Variants in EPHA6 observed in about 807,000 individuals in gnomAD.
The protein encoded by EPHA6 is EPH receptor A6, also known as ephrin type-A receptor 6.
In EPHA6, 50 loss-of-function variants were observed where a neutral mutation model predicts 112.0. That is an observed-to-expected ratio of 0.45 (90% confidence interval 0.36 to 0.56). The LOEUF (loss-of-function observed/expected upper bound fraction) is 0.56, where lower values mean the gene tolerates loss of function less well. Ranked by LOEUF, EPHA6 falls within the 20% of genes least tolerant of loss-of-function variation. EPHA6 has a pLI of 0.00. For missense variants in EPHA6, 1,280 were observed against 1,417.4 expected (o/e 0.90, Z 1.56); for synonymous variants, 529 against 490.7 (o/e 1.08, Z -1.03).
chr3:96,814,714 C>T lies in EPHA6; in HGVS notation c.91C>T (p.Pro31Ser), dbSNP rs779122297. The stretch of plus-strand genomic sequence containing the variant: ...AGCAGCTGCACCTGCAACTGGGCAG[C>T]CTGGACCCTCGTGCCCTGTTCCCGG... ...SEAAAPATGQPGPSCPVPGTS... is the reference protein window; with the variant it reads ...SEAAAPATGQSGPSCPVPGTS... Residue 31 changes from proline (P) to serine (S), a missense_variant, in exon 1 of 18, where the codon CCT (proline) becomes TCT (serine). This residue lies in a region of EPHA6 where 220 missense variants were observed against 171.5 expected (regional missense o/e 1.28). Transcript: ENST00000389672. 6.5e-7 allele frequency: 1 copy of T among 1,541,200 alleles called. No individual in the cohort carries two copies. The highest frequency in any genetic ancestry group is 2.3e-5 in the East Asian group (1 of 43,956).
At chr3:97,634,378 TC>T (rs376572047) in intron 13 of EPHA6, among the ~76,000 whole-genome samples, 385 of 150,850 alleles carry the variant, frequency 2.6e-3, no homozygotes, top group African/African-American at 7.5e-3. Flanking sequence ...AGAGCTTTTT[TC>T]TTTTCGTCAA....
chr3:97,615,136 C>G (rs181756591), intron 13 of EPHA6, among the ~76,000 whole-genome samples: 17 of 152,218 alleles, frequency 1.1e-4, no homozygotes, highest in African/African-American at 4.1e-4. Context: ...AATGACCCAC[C>G]CAGGAGCAAC....
At chr3:97,426,419 C>T (rs779072744) in intron 6 of EPHA6, among the ~76,000 whole-genome samples, 1 of 152,146 alleles carries the variant, frequency 6.6e-6, no homozygotes, top group Non-Finnish European at 1.5e-5. Flanking sequence ...GGGGAACCAC[C>T]CCCATAATTC....
At chr3:97,481,695 G>T (rs1192569679) in intron 9 of EPHA6, among the ~76,000 whole-genome samples, 2 of 49,736 alleles carry the variant, frequency 4.0e-5, no homozygotes, top group Admixed American at 2.6e-4. Context: ...GCACCGCCCC[G>T]GCCCCGCCCC....
chr3:97,614,591 A>G (rs1475966374), intron 13 of EPHA6, among the ~76,000 whole-genome samples: 4 of 147,152 alleles, frequency 2.7e-5, no homozygotes, highest in African/African-American at 1.0e-4. Flanking sequence ...TTATCTCATG[A>G]TCCGCCTGCC....
rs74534715 is a variant in EPHA6 at position 97,646,914 on chromosome 3, G to C, written c.2784+8832G>C. The stretch of plus-strand genomic sequence containing the variant: ...ATATGAATGCTCCACTTTCACAGCT[G>C]AGGGACCCTGAAAGGCAGTCCACTC... On this transcript the variant is annotated intron_variant, in intron 14 of 17. Transcript: ENST00000389672. Among the ~76,000 whole-genome samples the C allele has an allele frequency of 6.9e-3, 1,056 of 152,216 alleles. 8 individuals are homozygous for C. Among genetic ancestry groups the C allele is most frequent in the Non-Finnish European group, 0.011 (748 of 68,000 alleles).
chr3:97,545,720 A>G (rs1056481528), intron 11 of EPHA6, among the ~76,000 whole-genome samples: 1 of 152,134 alleles, frequency 6.6e-6, no homozygotes, highest in Non-Finnish European at 1.5e-5. Flanking sequence ...GTAGGTCACT[A>G]GGGACTTGCT....
intron 1 of EPHA6, among the ~76,000 whole-genome samples, chr3:96,862,469 A>T (rs2036062878): frequency 6.6e-6 from 1 of 151,900 alleles, no homozygotes; most frequent in Non-Finnish European, 1.5e-5. Context: ...TGATTGTCTG[A>T]ACTTTAAAAC....
chr3:97,624,393 A>G (rs1422040985), intron 13 of EPHA6, among the ~76,000 whole-genome samples: 1 of 151,684 alleles, frequency 6.6e-6, no homozygotes, highest in Non-Finnish European at 1.5e-5. Flanking sequence ...ATTAATTTGA[A>G]TTAATTCAAT....
At chr3:97,344,354 A>G (rs1339154135) in intron 5 of EPHA6, among the ~76,000 whole-genome samples, 1 of 152,142 alleles carries the variant, frequency 6.6e-6, no homozygotes, top group Non-Finnish European at 1.5e-5. Context: ...ATTGAAGCCT[A>G]ATCCCTAATG....
intron 3 of EPHA6, among the ~76,000 whole-genome samples, chr3:97,084,128 A>T (rs2108208438): frequency 7.4e-6 from 1 of 135,310 alleles, no homozygotes; most frequent in Admixed American, 7.2e-5. Flanking sequence ...ATATATGGAT[A>T]TATATCCATG....
At chr3:97,635,170 C>T (rs1229567215) in intron 13 of EPHA6, among the ~76,000 whole-genome samples, 1 of 151,802 alleles carries the variant, frequency 6.6e-6, no homozygotes, top group African/African-American at 2.4e-5. Flanking sequence ...AATGTCTTGG[C>T]CAATGGATTA....
chr3:96,887,328 G>A (rs556986809), intron 2 of EPHA6, among the ~76,000 whole-genome samples: 2 of 152,272 alleles, frequency 1.3e-5, no homozygotes, highest in African/African-American at 4.8e-5. Context: ...GTGGTTTCCT[G>A]TGAGCCGATC....
At chr3:97,555,712 G>T (rs1577761457) in intron 11 of EPHA6, among the ~76,000 whole-genome samples, 1 of 152,060 alleles carries the variant, frequency 6.6e-6, no homozygotes. Context: ...TTTTTTGGCT[G>T]CATAAGTGTC....
At chr3:96,933,215 G>A (rs993740560) in intron 2 of EPHA6, among the ~76,000 whole-genome samples, 6 of 152,178 alleles carry the variant, frequency 3.9e-5, no homozygotes, top group Non-Finnish European at 8.8e-5. Flanking sequence ...CATATTGCCA[G>A]AGGGAAGTGT....
chr3:97,172,636 C>T (rs16838425), intron 3 of EPHA6, among the ~76,000 whole-genome samples: 18 of 151,948 alleles, frequency 1.2e-4, no homozygotes, highest in African/African-American at 2.6e-4. Flanking sequence ...TTTTAAGTGT[C>T]GCTTCTGGCC....
At chr3:96,850,009 G>T (rs1490608662) in intron 1 of EPHA6, among the ~76,000 whole-genome samples, 1 of 152,078 alleles carries the variant, frequency 6.6e-6, no homozygotes, top group Non-Finnish European at 1.5e-5. Flanking sequence ...ATATATGGGT[G>T]CCAGTACTTA....
intron 3 of EPHA6, among the ~76,000 whole-genome samples, chr3:97,010,721 C>A (rs2226991): frequency 6.6e-6 from 1 of 151,946 alleles, no homozygotes; most frequent in Non-Finnish European, 1.5e-5. Flanking sequence ...AGTGCGGTAG[C>A]GATCTCGGCA....
At chr3:97,221,169 T>C (rs1315192490) in intron 3 of EPHA6, among the ~76,000 whole-genome samples, 3 of 151,500 alleles carry the variant, frequency 2.0e-5, no homozygotes, top group Admixed American at 6.6e-5. Context: ...AGAAATTAGA[T>C]GGGCATGGTG....
Sources: gnomAD v4.1 joint callset for allele counts (sites outside exome capture counted in the v4.1 genomes callset) on GRCh38, gnomAD v4.1.1 for gene constraint, gnomAD v4.1.1 regional missense constraint, MANE v1.5 for transcripts, NCBI Gene and HGNC (gene_info 2026-07-23, HGNC 2026-07-21) for gene names.